The following PCDH15 variants were observed in gnomAD, a reference collection of about 807,000 sequenced individuals.
The protein encoded by PCDH15 is protocadherin-15.
A neutral mutation model predicts 178.5 loss-of-function variants in PCDH15; 129 were observed. The ratio of observed to expected loss-of-function variants is 0.72; its 90% CI spans 0.63 to 0.84. PCDH15 has a LOEUF of 0.84. Ranked by LOEUF, PCDH15 falls within the 40% of genes least tolerant of loss-of-function variation. The probability of loss-of-function intolerance (pLI) is 0.00; values close to 1 mark genes in which losing one functional copy is unlikely to be tolerated. For missense variants in PCDH15, 2,230 were observed against 2,099.9 expected, an observed-to-expected ratio of 1.06 and a Z score of -1.21; for synonymous variants, 800 against 732.0, an observed-to-expected ratio of 1.09 and a Z score of -1.50.
chr10:55,323,772 T>C (rs574380249), upstream of PCDH15, among the ~76,000 whole-genome samples: 52 of 152,090 alleles, frequency 3.4e-4, no homozygotes, highest in Non-Finnish European at 6.9e-4. Context: ...ACTGTGGAGT[T>C]TTGAGTTAAT....
At chr10:53,809,361 A>C in intron 37 of PCDH15, 1 of 1,613,974 alleles carries the variant, frequency 6.2e-7, no homozygotes, top group East Asian at 2.2e-5. Flanking sequence ...CCTCAAGGTC[A>C]ACGATTCCTC....
In PCDH15 at chr10:54,369,163, G is replaced by A. The variant is rs1222108723; in HGVS notation, c.431C>T (p.Ser144Leu). 1 of 1,612,950 alleles carries A rather than the reference G, an allele frequency of 6.2e-7. No individual in the cohort carries two copies. The highest frequency in any genetic ancestry group is 8.5e-7 in the Non-Finnish European group (1 of 1,179,386). Residue 144 changes from serine to leucine, a missense_variant, in exon 5 of 38, where the codon TCA (serine) becomes TTA (leucine). Transcript: ENST00000644397. ...GTAGCTTTCATGCTTGAAAGTGGGT[G>A]AGTTGTCATTCCTGTCTCTCACCAC... is the stretch of plus-strand genomic sequence containing the variant. ...RIVVRDRNDN[S>L]PTFKHESYYA...
chr10:54,545,286 T>C (rs2085718525), intron 2 of PCDH15, among the ~76,000 whole-genome samples: 1 of 152,196 alleles, frequency 6.6e-6, no homozygotes. Context: ...AACAGTTATG[T>C]TAATGATGGT....
intron 3 of PCDH15, among the ~76,000 whole-genome samples, chr10:54,884,316 G>A (rs1403991385): frequency 2.9e-5 from 2 of 69,046 alleles, no homozygotes; most frequent in African/African-American, 1.3e-4. Flanking sequence ...ATTGCAAAGA[G>A]AGACACATTA....
chr10:55,048,030 T>C (rs939840669), intron 2 of PCDH15, among the ~76,000 whole-genome samples: 28 of 151,992 alleles, frequency 1.8e-4, no homozygotes, highest in Admixed American at 5.3e-4. Flanking sequence ...AAGCGTATTT[T>C]ACACATTAGC....
At chr10:54,758,854 C>T (rs10825395) in intron 1 of PCDH15, among the ~76,000 whole-genome samples, 53,017 of 152,070 alleles carry the variant, frequency 0.35, 9,574 homozygotes, top group Middle Eastern at 0.47. Context: ...AAAGACTTTC[C>T]GGGTTATAGG....
chr10:55,291,285 C>A (rs961462170), intron 1 of PCDH15, among the ~76,000 whole-genome samples: 1 of 152,142 alleles, frequency 6.6e-6, no homozygotes, highest in African/African-American at 2.4e-5. Context: ...AATACAATGA[C>A]AACCAAACAT....
chr10:54,522,224 A>AT (rs2082956677), intron 3 of PCDH15, among the ~76,000 whole-genome samples: 1 of 152,066 alleles, frequency 6.6e-6, no homozygotes, highest in African/African-American at 2.4e-5. Flanking sequence ...TTCTTTGTAA[A>AT]TTATATGTTA....
At chr10:54,350,084 A>G (rs1165972056) in intron 5 of PCDH15, among the ~76,000 whole-genome samples, 2 of 152,220 alleles carry the variant, frequency 1.3e-5, no homozygotes, top group African/African-American at 4.8e-5. Context: ...GATATTATAT[A>G]AAGGTTATGA....
intron 3 of PCDH15, among the ~76,000 whole-genome samples, chr10:54,849,403 T>G (rs1269138607): frequency 2.6e-5 from 4 of 152,176 alleles, no homozygotes; most frequent in Non-Finnish European, 5.9e-5. Context: ...CTTGGCTGTT[T>G]CCCTCTGTTC....
At chr10:54,075,552 G>C (rs957717991) in intron 17 of PCDH15, among the ~76,000 whole-genome samples, 4 of 151,772 alleles carry the variant, frequency 2.6e-5, no homozygotes, top group African/African-American at 9.7e-5. Context: ...TGTGTCTTTG[G>C]GGTCATAGCC....
chr10:54,147,911 T>C (rs187943711), intron 14 of PCDH15, among the ~76,000 whole-genome samples: 173 of 152,104 alleles, frequency 1.1e-3, no homozygotes, highest in African/African-American at 4.0e-3. Flanking sequence ...ACTTGTTTAC[T>C]AGGGGAGTGG....
chr10:53,822,682 C>T lies in PCDH15; in HGVS notation c.4368-2452G>A, dbSNP rs145499180. On this transcript the variant is annotated intron_variant, in intron 32 of 37. Transcript: ENST00000644397. ...ATGACATTAGGTTCTGATTTGAGTT[C>T]CACAGTTCTTGAAACAGTTGGCAAA... 6.7e-5 allele frequency: 108 copies of T among 1,613,982 alleles called. No homozygotes were observed. In the African/African-American group the frequency reaches 1.3e-3, roughly 20 times the overall value.
intron 1 of PCDH15, among the ~76,000 whole-genome samples, chr10:55,182,668 G>A (rs1204158834): frequency 6.6e-6 from 1 of 151,978 alleles, no homozygotes; most frequent in Non-Finnish European, 1.5e-5. Context: ...TATGTATGAT[G>A]TAAGTGTTAA....
chr10:54,653,087 G>C (rs2094298180), intron 2 of PCDH15, among the ~76,000 whole-genome samples: 1 of 152,128 alleles, frequency 6.6e-6, no homozygotes, highest in East Asian at 1.9e-4. Flanking sequence ...AACCCTATGA[G>C]AGAGGTAGTA....
At chr10:55,465,171 T>C (rs551529881) in intron 2 of PCDH15, among the ~76,000 whole-genome samples, 2 of 152,266 alleles carry the variant, frequency 1.3e-5, no homozygotes, top group South Asian at 4.2e-4. Context: ...CACAGGATCA[T>C]GAGGGCTGGC....
At chr10:55,282,143 C>A (rs1039766485) in intron 1 of PCDH15, among the ~76,000 whole-genome samples, 1 of 152,158 alleles carries the variant, frequency 6.6e-6, no homozygotes, top group African/African-American at 2.4e-5. Flanking sequence ...ATGGTCAAGA[C>A]CAAGATCCTT....
At chr10:55,186,310 T>C (rs1157117378) in intron 1 of PCDH15, among the ~76,000 whole-genome samples, 1 of 151,514 alleles carries the variant, frequency 6.6e-6, no homozygotes, top group Non-Finnish European at 1.5e-5. Context: ...AAAAAACTTT[T>C]TGCTTTATGT....
chr10:54,787,759 G>C (rs956418498), intron 1 of PCDH15, among the ~76,000 whole-genome samples: 5 of 152,052 alleles, frequency 3.3e-5, no homozygotes, highest in Non-Finnish European at 7.4e-5. Flanking sequence ...GATTCAACTA[G>C]CAAAGCCAAT....
Sources: gnomAD v4.1 joint callset for allele counts (sites outside exome capture counted in the v4.1 genomes callset) on GRCh38, gnomAD v4.1.1 for gene constraint, MANE v1.5 for transcripts, NCBI Gene and HGNC (gene_info 2026-07-23, HGNC 2026-07-21) for gene names.